The following MINDY4 variants were observed in gnomAD, a reference collection of about 807,000 sequenced individuals.
MINDY4 encodes the protein MINDY lysine 48 deubiquitinase 4, also known as probable ubiquitin carboxyl-terminal hydrolase MINDY-4.
In MINDY4, 68 loss-of-function variants were observed where a neutral mutation model predicts 87.0. The observed-to-expected ratio is 0.78, with a 90% CI of 0.64 to 0.96. The LOEUF is 0.96. MINDY4 is among the 40% of genes least tolerant of loss of function. The pLI, the probability that MINDY4 is intolerant of heterozygous loss-of-function variation, is 0.00. For missense variants in MINDY4, 919 were observed against 928.2 expected, an observed-to-expected ratio of 0.99 and a Z score of 0.13; for synonymous variants, 379 against 363.2, an observed-to-expected ratio of 1.04 and a Z score of -0.50.
rs764630593 is a variant in MINDY4, at chr7:30,882,304, GACTTGTACT to G, written c.2099_2107del (p.Leu700_Tyr702del). ...TGACTGGAGGACTGAGAGGCTCTTT[GACTTGTACT>G]ACTACGATGGCCTGGCCAACCAGCA... is the stretch of plus-strand genomic sequence containing the variant. On this transcript the variant is annotated inframe_deletion, in exon 16 of 18. Transcript: ENST00000265299. 15 of 1,613,676 alleles carry G rather than the reference GACTTGTACT, an allele frequency of 9.3e-6. No individual in the cohort carries two copies. The highest frequency in any genetic ancestry group is 1.3e-5 in the Non-Finnish European group (15 of 1,179,768).
rs1219297388 is a variant in MINDY4, at chr7:30,882,967, A to T, written c.2199A>T (p.Pro733=). ...AGGACACAGACAACGACCTTGTCCC[A>T]CCCCTCGAGCTCTGCATCAGAACCA... is the stretch of plus-strand genomic sequence containing the variant. ...ISEDTDNDLV[P]PLELCIRTKW... Residue 733 remains proline, a synonymous_variant, in exon 17 of 18, where the codon CCA becomes CCT. Coordinates refer to ENST00000265299, the MANE Select transcript of MINDY4 (RefSeq NM_032222.3). The T allele has an allele frequency of 1.9e-6, 3 of 1,613,902 alleles. No homozygotes were observed. In the South Asian group the frequency reaches 3.3e-5, roughly 18 times the overall value.
Position 30,838,428 on chromosome 7 carries a change from T to C in MINDY4, c.1240-772T>C, listed in dbSNP as rs189003029. ...TCACAGAGGAGGTTCTTACGCATGG[T>C]AGAGAGTTGTACTAGACCAGGAGTT... is the stretch of plus-strand genomic sequence containing the variant. On this transcript the variant is annotated intron_variant, in intron 7 of 17. Coordinates refer to ENST00000265299, the MANE Select transcript of MINDY4 (RefSeq NM_032222.3). 1.4e-3 allele frequency among the ~76,000 whole-genome samples: 206 copies of C among 152,152 alleles called. 1 individual carries two copies. The highest frequency in any genetic ancestry group is 4.5e-3 in the African/African-American group (186 of 41,498).
chr7:30,792,095 C>T (rs1002755384), intron 5 of MINDY4, among the ~76,000 whole-genome samples: 7 of 152,120 alleles, frequency 4.6e-5, no homozygotes, highest in African/African-American at 1.7e-4. Context: ...TGAATCAGCT[C>T]CCACAAGGCT....
At position 30,867,884 on chromosome 7, in the gene MINDY4, AG is replaced by A. The variant is rs543813995; in HGVS notation, c.1746-4357del. On this transcript the variant is annotated intron_variant, in intron 13 of 17. Transcript: ENST00000265299. ...GGTGTTTTCAATAGAGTCATGGACC[AG>A]GCACACTTGTGCACATCCTAGGAGG... Among the ~76,000 whole-genome samples, 6 of 152,304 alleles carry A rather than the reference AG, an allele frequency of 3.9e-5. No individual in the cohort carries two copies. The South Asian group carries it at 1.2e-3, about 32-fold the overall frequency.
At chr7:30,873,799 G>A (rs739980) in intron 14 of MINDY4, among the ~76,000 whole-genome samples, 32,523 of 152,148 alleles carry the variant, frequency 0.21, 6,738 homozygotes, top group African/African-American at 0.54. Flanking sequence ...GGGAAAACTC[G>A]AACTTGCCTG....
chr7:30,792,343 C>T (rs1158533491), intron 5 of MINDY4, among the ~76,000 whole-genome samples: 1 of 151,884 alleles, frequency 6.6e-6, no homozygotes, highest in Non-Finnish European at 1.5e-5. Flanking sequence ...GATTGGCTGG[C>T]AGATTTCCTT....
At chr7:30,793,313 T>G (rs1426001706) in intron 5 of MINDY4, among the ~76,000 whole-genome samples, 4 of 151,752 alleles carry the variant, frequency 2.6e-5, no homozygotes, top group African/African-American at 4.8e-5. Flanking sequence ...GGAATAATTA[T>G]GGCATTTATA....
Position 30,791,511 on chromosome 7 carries a change from G to T in MINDY4, c.1010G>T (p.Arg337Met). ...CTCTACTTGCCTGGTGGTAATTCCA[G>T]GATGACCCAGGAGAGGCTGGAAAGA... ...LKLYLPGGNSRMTQERLERAF... is the reference protein window; with the variant it reads ...LKLYLPGGNSMMTQERLERAF... The change falls in exon 5 of 18, where the codon AGG becomes ATG. Residue 337 changes from arginine to methionine, a missense_variant. Coordinates refer to ENST00000265299, the MANE Select transcript of MINDY4 (RefSeq NM_032222.3). The T allele has an allele frequency of 6.2e-7, 1 of 1,613,934 alleles. No individual in the cohort carries two copies. Among genetic ancestry groups the T allele is most frequent in the Non-Finnish European group, 8.5e-7 (1 of 1,179,922 alleles).
intron 9 of MINDY4, among the ~76,000 whole-genome samples, chr7:30,848,191 C>A (rs1008811370): frequency 6.6e-6 from 1 of 152,232 alleles, no homozygotes; most frequent in African/African-American, 2.4e-5. Context: ...AGAAAGTACA[C>A]TCCAGGCACG....
intron 17 of MINDY4, among the ~76,000 whole-genome samples, chr7:30,883,674 G>A (rs1584357143): frequency 6.6e-6 from 1 of 152,212 alleles, no homozygotes; most frequent in African/African-American, 2.4e-5. Flanking sequence ...GCTGTCAGAA[G>A]TGCTCCCCTT....
chr7:30,814,289 G>T (rs1190807114), intron 5 of MINDY4, among the ~76,000 whole-genome samples: 1 of 152,056 alleles, frequency 6.6e-6, no homozygotes, highest in Admixed American at 6.6e-5. Context: ...ATGCTATTCG[G>T]GTTATTATCA....
intron 6 of MINDY4, among the ~76,000 whole-genome samples, chr7:30,833,113 T>A (rs1788756781): frequency 6.6e-6 from 1 of 152,184 alleles, no homozygotes; most frequent in African/African-American, 2.4e-5. Flanking sequence ...ACATCTGATC[T>A]TTGTTTTAGG....
intron 9 of MINDY4, among the ~76,000 whole-genome samples, chr7:30,846,804 A>G (rs1789234365): frequency 1.3e-5 from 2 of 152,172 alleles, no homozygotes; most frequent in Non-Finnish European, 2.9e-5. Flanking sequence ...AGTGCATTAC[A>G]TTTATCATTA....
chr7:30,835,150 C>A (rs934491648), intron 6 of MINDY4, among the ~76,000 whole-genome samples: 3 of 152,346 alleles, frequency 2.0e-5, no homozygotes, highest in Middle Eastern at 6.8e-3. Context: ...GATAAAGATA[C>A]TCCTGAGACT....
chr7:30,825,659 G>A (rs1410748653), intron 5 of MINDY4, among the ~76,000 whole-genome samples: 1 of 152,206 alleles, frequency 6.6e-6, no homozygotes, highest in Non-Finnish European at 1.5e-5. Context: ...CCTTGTGTAA[G>A]CCACCTAACT....
intron 6 of MINDY4, among the ~76,000 whole-genome samples, 166 bp from the exon 7 acceptor site, chr7:30,836,492 G>T (rs1483792690): frequency 2.0e-5 from 3 of 152,202 alleles, no homozygotes; most frequent in Non-Finnish European, 2.9e-5. Flanking sequence ...TTCCGCTAAG[G>T]GTCTGGGAAC....
At chr7:30,854,849 G>C (rs924894911) in intron 12 of MINDY4, among the ~76,000 whole-genome samples, 2 of 152,246 alleles carry the variant, frequency 1.3e-5, no homozygotes, top group African/African-American at 4.8e-5. Flanking sequence ...TGAGGTCACC[G>C]GAGGGGCAAT....
chr7:30,856,224 A>G (rs12670734), intron 12 of MINDY4, among the ~76,000 whole-genome samples: 7,023 of 152,248 alleles, frequency 0.046, 249 homozygotes, highest in East Asian at 0.11. Context: ...GGCAGTTTTC[A>G]GGCCAGTTGC....
chr7:30,805,585 C>A (rs1228732794), intron 5 of MINDY4, among the ~76,000 whole-genome samples: 1 of 152,128 alleles, frequency 6.6e-6, no homozygotes, highest in Admixed American at 6.5e-5. Context: ...AAGAGCCAGT[C>A]TCCTGGAGGC....
Sources: allele counts gnomAD v4.1 joint callset (sites outside exome capture counted in the v4.1 genomes callset), GRCh38; gene constraint gnomAD v4.1.1; transcripts MANE v1.5; gene names NCBI Gene and HGNC (gene_info 2026-07-23, HGNC 2026-07-21).